The following SLCO2A1 variants were observed in gnomAD, a reference collection of about 807,000 sequenced individuals.
SLCO2A1 encodes solute carrier organic anion transporter family member 2A1, also known as matrin F/G 1.
A neutral mutation model predicts 71.7 loss-of-function variants in SLCO2A1; 60 were observed. That is an observed-to-expected ratio of 0.84 (90% CI 0.68 to 1.04). The LOEUF (loss-of-function observed/expected upper bound fraction) is 1.04, where lower values mean the gene tolerates loss of function less well. SLCO2A1 is among the 50% of genes least tolerant of loss of function. SLCO2A1 has a pLI of 0.00. For missense variants in SLCO2A1, 745 were observed against 813.4 expected, an observed-to-expected ratio of 0.92 and a Z score of 1.02; for synonymous variants, 308 against 326.7, an observed-to-expected ratio of 0.94 and a Z score of 0.62.
intron 1 of SLCO2A1, among the ~76,000 whole-genome samples, chr3:134,014,854 T>C (rs2108076378): frequency 6.6e-6 from 1 of 152,300 alleles, no homozygotes; most frequent in Middle Eastern, 3.4e-3. Context: ...CATGGAGACG[T>C]TGATACCTCT....
chr3:133,950,741 C>T (rs756558151), intron 6 of SLCO2A1, among the ~76,000 whole-genome samples: 2 of 152,204 alleles, frequency 1.3e-5, no homozygotes, highest in Non-Finnish European at 2.9e-5. Context: ...CTGGAAGATG[C>T]TTGGAAGGTC....
At chr3:134,023,835 G>A (rs1043168477) in intron 1 of SLCO2A1, among the ~76,000 whole-genome samples, 1 of 152,204 alleles carries the variant, frequency 6.6e-6, no homozygotes, top group Non-Finnish European at 1.5e-5. Flanking sequence ...CACTAAGGTG[G>A]TCCTCCAGTT....
chr3:133,996,016 T>C (rs916743167), intron 1 of SLCO2A1, among the ~76,000 whole-genome samples: 8 of 152,204 alleles, frequency 5.3e-5, no homozygotes, highest in African/African-American at 1.9e-4. Context: ...ATTTGGAGAA[T>C]TGGAGCCAGT....
At chr3:134,027,660 G>A (rs374465840) in intron 1 of SLCO2A1, among the ~76,000 whole-genome samples, 1 of 152,154 alleles carries the variant, frequency 6.6e-6, no homozygotes, top group South Asian at 2.1e-4. Context: ...TGTCATACAT[G>A]TCCCAAGATA....
intron 3 of SLCO2A1, among the ~76,000 whole-genome samples, chr3:133,965,941 A>T (rs1408542801): frequency 1.3e-5 from 2 of 152,186 alleles, no homozygotes; most frequent in African/African-American, 2.4e-5. Context: ...GAGAGAATTC[A>T]GGGAAATCTA....
Position 134,029,719 on chromosome 3 carries a change from G to T in SLCO2A1, c.84C>A (p.Phe28Leu). ...GGACTCCGCTCACCTTAATGTTGCC[G>T]AAGACCGAGCGGGCACAGCGGCCGG... ...SRAGRCARSVFGNIKVFVLCQ... is the reference protein window; with the variant it reads ...SRAGRCARSVLGNIKVFVLCQ... Residue 28 changes from phenylalanine (F) to leucine (L), a missense_variant, in exon 1 of 14, where the codon TTC becomes TTA. By Grantham distance (22) the Phe-to-Leu change is conservative. Transcript: ENST00000310926. The T allele has an allele frequency of 6.3e-7, 1 of 1,589,616 alleles. No individual in the cohort carries two copies. The highest frequency in any genetic ancestry group is 8.5e-7 in the Non-Finnish European group (1 of 1,172,148).
chr3:133,990,569 G>C (rs1934819717), intron 1 of SLCO2A1, among the ~76,000 whole-genome samples: 1 of 152,044 alleles, frequency 6.6e-6, no homozygotes, highest in Non-Finnish European at 1.5e-5. Flanking sequence ...ACCTTTACTT[G>C]ACTAAGTCTT....
intron 1 of SLCO2A1, among the ~76,000 whole-genome samples, chr3:134,024,055 A>C (rs1160829355): frequency 2.6e-5 from 4 of 152,262 alleles, no homozygotes; most frequent in Non-Finnish European, 5.9e-5. Flanking sequence ...GAAAGGATGC[A>C]GTTAGCTTAA....
intron 1 of SLCO2A1, among the ~76,000 whole-genome samples, chr3:133,984,405 T>C (rs1934661824): frequency 6.6e-6 from 1 of 152,132 alleles, no homozygotes; most frequent in Non-Finnish European, 1.5e-5. Context: ...TGTTTGTATA[T>C]ATCTGGACCC....
intron 12 of SLCO2A1, 56 bp downstream of exon 12, chr3:133,938,373 T>C: frequency 6.8e-7 from 1 of 1,473,296 alleles, no homozygotes; most frequent in Non-Finnish European, 9.5e-7. Flanking sequence ...CCCATAGCCT[T>C]CAGATGCCCC....
At chr3:133,957,880 A>G (rs1212046563) in intron 3 of SLCO2A1, among the ~76,000 whole-genome samples, 1 of 152,202 alleles carries the variant, frequency 6.6e-6, no homozygotes, top group Non-Finnish European at 1.5e-5. Context: ...AGATAGAAAG[A>G]TTCTCTGTGT....
intron 1 of SLCO2A1, among the ~76,000 whole-genome samples, chr3:133,990,293 T>G (rs1481035652): frequency 6.6e-6 from 1 of 152,240 alleles, no homozygotes; most frequent in East Asian, 1.9e-4. Context: ...TTTTTGTCAT[T>G]GATTTTTCTC....
At chr3:133,987,367 T>C (rs1934741172) in intron 1 of SLCO2A1, among the ~76,000 whole-genome samples, 1 of 151,840 alleles carries the variant, frequency 6.6e-6, no homozygotes. Context: ...ACCTGGAGGC[T>C]TCATCTGTCT....
chr3:133,950,951 C>T (rs777351351), intron 6 of SLCO2A1: 11 of 472,296 alleles, frequency 2.3e-5, no homozygotes, highest in Middle Eastern at 4.6e-4. Context: ...TCAGTGTTTC[C>T]CAAACTGTTC....
At chr3:133,995,948 G>T (rs1401038975) in intron 1 of SLCO2A1, among the ~76,000 whole-genome samples, 1 of 152,152 alleles carries the variant, frequency 6.6e-6, no homozygotes, top group African/African-American at 2.4e-5. Context: ...TATTCAGCAA[G>T]CCCTTGTCGA....
At chr3:133,954,389 C>T (rs562065097) in intron 4 of SLCO2A1, among the ~76,000 whole-genome samples, 2 of 152,110 alleles carry the variant, frequency 1.3e-5, no homozygotes, top group East Asian at 1.9e-4. Context: ...CTCGAACTCC[C>T]GGCCTCAGGT....
intron 2 of SLCO2A1, 152 bp from the exon 3 acceptor site, chr3:133,973,977 T>G (rs1489244170): frequency 1.2e-6 from 1 of 832,196 alleles, no homozygotes; most frequent in African/African-American, 1.7e-5. Flanking sequence ...AGTGTCAGCT[T>G]TTCCCAGAGA....
At chr3:133,941,620 G>A (rs942444948) in intron 11 of SLCO2A1, among the ~76,000 whole-genome samples, 5 of 151,970 alleles carry the variant, frequency 3.3e-5, no homozygotes, top group Admixed American at 1.3e-4. Flanking sequence ...GGTGAAGAGC[G>A]GGTCATTCCC....
At chr3:133,972,075 G>A (rs13099305) in intron 3 of SLCO2A1, among the ~76,000 whole-genome samples, 14,960 of 152,076 alleles carry the variant, frequency 0.098, 831 homozygotes, top group Middle Eastern at 0.2. Flanking sequence ...CTACTAGAAC[G>A]ATCTGAAAAA....
Sources: gnomAD v4.1 joint callset for allele counts (sites outside exome capture counted in the v4.1 genomes callset) on GRCh38, gnomAD v4.1.1 for gene constraint, MANE v1.5 for transcripts, NCBI Gene and HGNC (gene_info 2026-07-23, HGNC 2026-07-21) for gene names.